GALNT1: variants seen among roughly 807,000 people sequenced by gnomAD.
GALNT1 encodes GalNAc transferase 1.
GALNT1 carries 17 observed loss-of-function variants against 65.7 expected under a neutral mutation model. The observed-to-expected ratio is 0.26, with a 90% confidence interval of 0.18 to 0.39. The LOEUF (loss-of-function observed/expected upper bound fraction) is 0.39. Ranked by LOEUF, GALNT1 falls within the 10% of genes least tolerant of loss-of-function variation. The pLI is 1.00. For synonymous variants in GALNT1, 210 were observed against 219.7 expected (o/e 0.96, Z 0.39); for missense variants, 460 against 672.8 (o/e 0.68, Z 3.50).
At chr18:35,640,367 TAAAG>T (rs1381503483) in intron 1 of GALNT1, among the ~76,000 whole-genome samples, 2 of 141,434 alleles carry the variant, frequency 1.4e-5, no homozygotes, top group Non-Finnish European at 3.0e-5. Context: ...AGGAAAAAAT[TAAAG>T]TAACAAGTAT....
intron 1 of GALNT1, among the ~76,000 whole-genome samples, chr18:35,653,436 A>G (rs2047335599): frequency 6.6e-6 from 1 of 152,232 alleles, no homozygotes; most frequent in East Asian, 1.9e-4. Context: ...AACTTGTTGC[A>G]TAAAGTTGCC....
rs180706480 is a variant in GALNT1 at position 35,689,742 on chromosome 18, C to T, written c.978+452C>T. ...AGCTTTATATTTTTCAATAAAAATG[C>T]GAAAGAATTCTAAAATGACTCTAAA... On this transcript the variant is annotated intron_variant, in intron 7 of 11. Transcript: ENST00000269195. Among the ~76,000 whole-genome samples the T allele has an allele frequency of 1.1e-3, 166 of 152,068 alleles. 2 individuals carry two copies. Among genetic ancestry groups the T allele is most frequent in the African/African-American group, 3.7e-3 (155 of 41,472 alleles).
rs1194124093 is a variant in GALNT1 at position 35,710,571 on chromosome 18, A to G, written c.*801A>G. On this transcript the variant is annotated 3_prime_UTR_variant, in exon 12 of 12. Transcript: ENST00000269195. ...GAATTGTAATTTTTAATTGCCTTCT[A>G]AAAAATGGAAATTTAACAATGTCTG... 1 of 152,238 alleles carries G rather than the reference A, an allele frequency of 6.6e-6. No homozygotes were observed. The highest frequency in any genetic ancestry group is 1.5e-5 in the Non-Finnish European group (1 of 68,030). 9.4% of individuals were successfully genotyped at this position (152,238 alleles called of 1,614,324 possible).
At chr18:35,637,449 G>A (rs1340560332) in intron 1 of GALNT1, among the ~76,000 whole-genome samples, 2 of 152,206 alleles carry the variant, frequency 1.3e-5, no homozygotes, top group African/African-American at 4.8e-5. Flanking sequence ...AGTCTGCATA[G>A]ATCAAACCAA....
intron 1 of GALNT1, among the ~76,000 whole-genome samples, chr18:35,612,858 T>G (rs929518884): frequency 5.4e-5 from 8 of 148,282 alleles, no homozygotes; most frequent in Non-Finnish European, 1.0e-4. Flanking sequence ...AGAATGAAAC[T>G]CTGTCTCAAA....
intron 3 of GALNT1, among the ~76,000 whole-genome samples, chr18:35,674,982 CAAAAAAAAAAAAA>C (rs150477892): frequency 3.6e-4 from 11 of 30,300 alleles, no homozygotes; most frequent in East Asian, 2.0e-3. Flanking sequence ...GACTCCGTCT[CAAAAAAAAAAAAA>C]AAAAAAAAAA....
intron 1 of GALNT1, among the ~76,000 whole-genome samples, chr18:35,615,017 CAATT>C (rs1162604220): frequency 1.3e-5 from 2 of 151,884 alleles, no homozygotes; most frequent in African/African-American, 4.8e-5. Flanking sequence ...ATAAACGTAT[CAATT>C]AATCTGTCTT....
intron 9 of GALNT1, among the ~76,000 whole-genome samples, chr18:35,696,764 C>CA (rs1490249980): frequency 6.6e-6 from 1 of 152,212 alleles, no homozygotes; most frequent in Non-Finnish European, 1.5e-5. Flanking sequence ...CGGCTAAACT[C>CA]ACAACCATCT....
chr18:35,665,069 T>G (rs900366952), intron 3 of GALNT1, among the ~76,000 whole-genome samples: 3 of 152,252 alleles, frequency 2.0e-5, no homozygotes, highest in African/African-American at 7.2e-5. Context: ...ACTCATGTGT[T>G]TAGGCCTCAT....
intron 2 of GALNT1, among the ~76,000 whole-genome samples, chr18:35,663,341 G>C (rs2047503136): frequency 6.6e-6 from 1 of 152,170 alleles, no homozygotes; most frequent in South Asian, 2.1e-4. Flanking sequence ...AACAATGAAG[G>C]CTGCACTTTA....
At chr18:35,581,011 C>G (rs2046305109), upstream of GALNT1, 1 of 152,134 alleles carries the variant, frequency 6.6e-6, no homozygotes. Flanking sequence ...CCGCTCTCGC[C>G]GTCCTCCCTC....
chr18:35,665,626 G>T (rs755869198), intron 3 of GALNT1, among the ~76,000 whole-genome samples: 1 of 152,168 alleles, frequency 6.6e-6, no homozygotes, highest in Non-Finnish European at 1.5e-5. Context: ...CTTAAGAGGC[G>T]AAAGAAGGTC....
chr18:35,586,149 G>A (rs2046375835), intron 1 of GALNT1, among the ~76,000 whole-genome samples: 1 of 152,166 alleles, frequency 6.6e-6, no homozygotes, highest in Non-Finnish European at 1.5e-5. Context: ...ATTCTGATAG[G>A]TGTATAGGGA....
At chr18:35,657,808 T>C (rs1311807031) in intron 2 of GALNT1, among the ~76,000 whole-genome samples, 5 of 152,180 alleles carry the variant, frequency 3.3e-5, no homozygotes, top group African/African-American at 1.2e-4. Flanking sequence ...ATGTGGCTGT[T>C]CTTTAGGAAG....
At chr18:35,592,085 C>G (rs967389834) in intron 1 of GALNT1, among the ~76,000 whole-genome samples, 2 of 152,060 alleles carry the variant, frequency 1.3e-5, no homozygotes, top group Admixed American at 1.3e-4. Context: ...TGCAGATGAG[C>G]ATCATCAGCA....
In GALNT1 at chr18:35,659,007, G is replaced by T. The variant is rs2047437825; in HGVS notation, c.139+4206G>T. ...TTACAGGAGTGAGCTGCTGTGCCTG[G>T]CATCAAAGTCTCTCTTAATAGAACA... On this transcript the variant is annotated intron_variant, in intron 2 of 11. Coordinates refer to ENST00000269195, the MANE Select transcript of GALNT1 (RefSeq NM_020474.4). Among the ~76,000 whole-genome samples the T allele has an allele frequency of 5.3e-5, 8 of 152,092 alleles. No homozygotes were observed. In the South Asian group the frequency reaches 1.7e-3, roughly 32 times the overall value.
intron 1 of GALNT1, among the ~76,000 whole-genome samples, chr18:35,617,855 GT>G (rs1382341048): frequency 1.3e-5 from 2 of 151,834 alleles, no homozygotes; most frequent in East Asian, 1.9e-4. Flanking sequence ...AGCACATTTA[GT>G]TTTTTTAAAA....
In GALNT1 at chr18:35,690,893, A is replaced by T. The variant is rs984850487; in HGVS notation, c.979-119A>T. On this transcript the variant is annotated intron_variant, in intron 7 of 11. Transcript: ENST00000269195. ...CCAGTAACTACAATATGTTCCATTT[A>T]AGTTTAAACAAAAGCCAAACCCCTA... 7.1e-5 allele frequency: 61 copies of T among 860,954 alleles called. No individual in the cohort carries two copies. In the African/African-American group the frequency reaches 8.8e-4, roughly 12 times the overall value. 53.3% of individuals were successfully genotyped at this position (860,954 alleles called of 1,614,324 possible). A position where few individuals can be genotyped will look rare whatever the true frequency, so the allele number is the denominator to read the frequency against.
At chr18:35,583,785 A>G (rs1053479519) in intron 1 of GALNT1, among the ~76,000 whole-genome samples, 1 of 152,194 alleles carries the variant, frequency 6.6e-6, no homozygotes, top group Non-Finnish European at 1.5e-5. Context: ...GTGAGAGAGC[A>G]TGGGACCAGA....
Sources: gnomAD v4.1 joint callset for allele counts (sites outside exome capture counted in the v4.1 genomes callset) on GRCh38, gnomAD v4.1.1 for gene constraint, MANE v1.5 for transcripts, NCBI Gene and HGNC (gene_info 2026-07-23, HGNC 2026-07-21) for gene names.